Variants in CD86 observed in about 807,000 individuals in gnomAD.
CD86 encodes CD86 molecule.
Under a neutral mutation model 32.1 loss-of-function variants are expected in CD86, and 11 were observed. The observed-to-expected ratio is 0.34, with a 90% CI of 0.22 to 0.57. The LOEUF is 0.57. Among genes scored for constraint, CD86 ranks in the 20% least tolerant of loss-of-function variants. The pLI, the probability that CD86 is intolerant of heterozygous loss-of-function variation, is 0.86. For synonymous variants in CD86, 137 were observed against 135.3 expected (o/e 1.01, Z -0.09); for missense variants, 359 against 398.4 (o/e 0.90, Z 0.84).
At chr3:122,069,868 G>T (rs2072466006) in intron 1 of CD86, among the ~76,000 whole-genome samples, 1 of 152,138 alleles carries the variant, frequency 6.6e-6, no homozygotes, top group Admixed American at 6.5e-5. Context: ...ACTAGCCTGA[G>T]CTCTATCCTG....
chr3:122,117,430 A>C (rs1349684470), intron 5 of CD86, among the ~76,000 whole-genome samples: 1 of 152,234 alleles, frequency 6.6e-6, no homozygotes, highest in Non-Finnish European at 1.5e-5. Context: ...AAATACCTCC[A>C]TGGACACCCA....
chr3:122,079,053 G>A (rs1031453430), intron 1 of CD86, among the ~76,000 whole-genome samples: 2 of 152,102 alleles, frequency 1.3e-5, no homozygotes, highest in Admixed American at 6.5e-5. Flanking sequence ...CAGGTACTAG[G>A]GACTTAACAG....
At chr3:122,097,336 G>A (rs2072923469) in intron 2 of CD86, among the ~76,000 whole-genome samples, 1 of 152,216 alleles carries the variant, frequency 6.6e-6, no homozygotes, top group African/African-American at 2.4e-5. Flanking sequence ...TTATTCTAAT[G>A]GGAGATGTCA....
intron 2 of CD86, among the ~76,000 whole-genome samples, chr3:122,100,734 G>A (rs549033072): frequency 2.6e-5 from 4 of 152,118 alleles, no homozygotes; most frequent in Non-Finnish European, 2.9e-5. Flanking sequence ...AGCTGATTAC[G>A]AAGGCATCTA....
At position 122,119,601 on chromosome 3, in the gene CD86, C is replaced by G; in HGVS notation, c.*67C>G. 1 of 1,012,282 alleles carries G rather than the reference C, an allele frequency of 9.9e-7. No homozygotes were observed. The highest frequency in any genetic ancestry group is 1.5e-6 in the Non-Finnish European group (1 of 652,802). 62.7% of individuals were successfully genotyped at this position (1,012,282 alleles called of 1,614,324 possible). Reference sequence around the variant, plus strand: ...TTTCCTTTGTAAGTTCCTGGGCAACCTTTTTGATTTCTTCCAGAAGGCAAA... The same window carrying G: ...TTTCCTTTGTAAGTTCCTGGGCAACGTTTTTGATTTCTTCCAGAAGGCAAA... On this transcript the variant is annotated 3_prime_UTR_variant, in exon 7 of 7. Coordinates refer to ENST00000330540, the MANE Select transcript of CD86 (RefSeq NM_175862.5).
At chr3:122,111,500 G>T (rs1314901370) in intron 5 of CD86, among the ~76,000 whole-genome samples, 1 of 152,242 alleles carries the variant, frequency 6.6e-6, no homozygotes, top group Non-Finnish European at 1.5e-5. Flanking sequence ...AATCACATGA[G>T]TCAGAGAACC....
chr3:122,111,689 A>G (rs1414291130), intron 5 of CD86, among the ~76,000 whole-genome samples: 2 of 152,180 alleles, frequency 1.3e-5, no homozygotes, highest in Non-Finnish European at 2.9e-5. Flanking sequence ...GGAAATTAGG[A>G]TCTCAGTTCT....
intron 1 of CD86, among the ~76,000 whole-genome samples, chr3:122,090,417 A>G (rs1479919236): frequency 2.0e-5 from 3 of 152,210 alleles, no homozygotes; most frequent in Admixed American, 6.5e-5. Context: ...AATTTAGTGG[A>G]CAGACCTGTG....
chr3:122,101,861 C>G (rs2073015459), intron 2 of CD86, among the ~76,000 whole-genome samples: 1 of 152,100 alleles, frequency 6.6e-6, no homozygotes, highest in African/African-American at 2.4e-5. Context: ...CCTTAGGTCT[C>G]CCTTTCACTG....
At position 122,055,443 on chromosome 3, in the gene CD86, T is replaced by C. The variant is rs781190589; in HGVS notation, c.-47T>C. On this transcript the variant is annotated 5_prime_UTR_variant, in exon 1 of 7. It removes an upstream start codon present in the reference 5' UTR. Coordinates refer to ENST00000330540, the MANE Select transcript of CD86 (RefSeq NM_175862.5). ...ACAGGGACTAGCACAGACACACGGATGAGTGGGGTCATTTCCAGATATTAG... is the reference window on the plus strand; with the variant it reads ...ACAGGGACTAGCACAGACACACGGACGAGTGGGGTCATTTCCAGATATTAG... The C allele has an allele frequency of 1.2e-6, 2 of 1,602,350 alleles. No homozygotes were observed. The highest frequency in any genetic ancestry group is 1.7e-6 in the Non-Finnish European group (2 of 1,169,256).
At chr3:122,106,639 A>G (rs1265193909) in intron 4 of CD86, 139 bp downstream of exon 4, 4 of 717,502 alleles carry the variant, frequency 5.6e-6, no homozygotes, top group Admixed American at 2.6e-5. Flanking sequence ...ACCCAGATGG[A>G]GGTCTCCTGC....
Position 122,068,351 on chromosome 3 carries a change from GA to G in CD86, c.14+12858del, listed in dbSNP as rs776073934. Among the ~76,000 whole-genome samples, 597 of 147,934 alleles carry G rather than the reference GA, an allele frequency of 4.0e-3. 4 individuals are homozygous for G. Among genetic ancestry groups the G allele is most frequent in the African/African-American group, 0.012 (505 of 40,494 alleles). Reference sequence around the variant, plus strand: ...TTATATCCCTTCCCCTGCACACATAGAAAAAAAAAATATGAACTTAACCTTC... The same window carrying G: ...TTATATCCCTTCCCCTGCACACATAGAAAAAAAAATATGAACTTAACCTTC... On this transcript the variant is annotated intron_variant, in intron 1 of 6. Coordinates refer to ENST00000330540, the MANE Select transcript of CD86 (RefSeq NM_175862.5).
At chr3:122,104,096 A>G (rs1257689138) in intron 3 of CD86, among the ~76,000 whole-genome samples, 1 of 152,112 alleles carries the variant, frequency 6.6e-6, no homozygotes, top group Admixed American at 6.6e-5. Flanking sequence ...TGCTTTGGGG[A>G]AAAAATAGAG....
intron 1 of CD86, among the ~76,000 whole-genome samples, chr3:122,067,789 T>C (rs1304489965): frequency 6.6e-6 from 1 of 152,208 alleles, no homozygotes; most frequent in African/African-American, 2.4e-5. Flanking sequence ...CTCACATTGC[T>C]GAAGAGTAGA....
At chr3:122,116,762 A>G (rs906844839) in intron 5 of CD86, among the ~76,000 whole-genome samples, 1 of 152,222 alleles carries the variant, frequency 6.6e-6, no homozygotes, top group African/African-American at 2.4e-5. Context: ...TTTCAAAAGC[A>G]TTATGCTAAG....
At chr3:122,067,784 A>T (rs1364226253) in intron 1 of CD86, among the ~76,000 whole-genome samples, 1 of 152,200 alleles carries the variant, frequency 6.6e-6, no homozygotes. Context: ...CCTTACTCAC[A>T]TTGCTGAAGA....
At chr3:122,091,886 A>G in intron 2 of CD86, 1 of 521,408 alleles carries the variant, frequency 1.9e-6, no homozygotes, top group Non-Finnish European at 3.5e-6. Context: ...CCTCCTCTGC[A>G]GTCTCACATC....
intron 1 of CD86, among the ~76,000 whole-genome samples, chr3:122,090,338 T>C (rs1487938580): frequency 6.6e-6 from 1 of 152,252 alleles, no homozygotes; most frequent in Non-Finnish European, 1.5e-5. Flanking sequence ...ACATTTCTGC[T>C]ATTCGATCAA....
intron 2 of CD86, among the ~76,000 whole-genome samples, chr3:122,100,830 G>A (rs2072988515): frequency 6.6e-6 from 1 of 152,174 alleles, no homozygotes; most frequent in South Asian, 2.1e-4. Flanking sequence ...AAGTGCTGGG[G>A]AAGGGAGAGA....
Sources: allele counts gnomAD v4.1 joint callset (sites outside exome capture counted in the v4.1 genomes callset), GRCh38; gene constraint gnomAD v4.1.1; transcripts MANE v1.5; gene names NCBI Gene and HGNC (gene_info 2026-07-23, HGNC 2026-07-21).